ITGB5: variants seen among roughly 807,000 people sequenced by gnomAD.
ITGB5 encodes integrin subunit beta 5.
In ITGB5, 38 loss-of-function variants were observed where a neutral mutation model predicts 84.8. That is an observed-to-expected ratio of 0.45 (90% CI 0.35 to 0.59). The LOEUF is 0.59. ITGB5 is among the 20% of genes least tolerant of loss of function. ITGB5 has a pLI of 0.01. For missense variants in ITGB5, 905 were observed against 1,034.5 expected (o/e 0.87, Z 1.72); for synonymous variants, 393 against 414.4 (o/e 0.95, Z 0.63).
intron 10 of ITGB5, among the ~76,000 whole-genome samples, chr3:124,775,862 C>T (rs867036729): frequency 2.6e-5 from 4 of 152,200 alleles, no homozygotes; most frequent in East Asian, 1.9e-4. Flanking sequence ...CCCCTGGCTC[C>T]GTCCACTCTC....
At chr3:124,772,958 G>C (rs1158893384) in intron 11 of ITGB5, among the ~76,000 whole-genome samples, 2 of 140,734 alleles carry the variant, frequency 1.4e-5, no homozygotes, top group Non-Finnish European at 3.0e-5. Context: ...TTGTTGCCCA[G>C]GCTGGGGTGC....
At chr3:124,829,406 G>A (rs1426964452) in intron 5 of ITGB5, among the ~76,000 whole-genome samples, 2 of 152,356 alleles carry the variant, frequency 1.3e-5, no homozygotes, top group East Asian at 3.9e-4. Flanking sequence ...CAGGCATCCG[G>A]TCAGGGCTGC....
intron 3 of ITGB5, among the ~76,000 whole-genome samples, chr3:124,853,752 T>G (rs542286012): frequency 2.0e-5 from 3 of 152,300 alleles, no homozygotes; most frequent in Admixed American, 6.5e-5. Flanking sequence ...CCATGTTGGT[T>G]TCCTGGTTTT....
At chr3:124,766,562 G>C (rs767694362) in intron 12 of ITGB5, among the ~76,000 whole-genome samples, 3 of 152,314 alleles carry the variant, frequency 2.0e-5, no homozygotes, top group Admixed American at 6.5e-5. Context: ...GGGGACACGT[G>C]GAACACATTA....
At chr3:124,769,192 C>A in intron 11 of ITGB5, 79 bp from the exon 12 acceptor site, 1 of 1,126,404 alleles carries the variant, frequency 8.9e-7, no homozygotes, top group South Asian at 1.4e-5. Flanking sequence ...CCTGACAGTG[C>A]AGGACCTGGG....
At chr3:124,784,442 C>G (rs1158521231) in intron 10 of ITGB5, among the ~76,000 whole-genome samples, 2 of 152,152 alleles carry the variant, frequency 1.3e-5, no homozygotes, top group Non-Finnish European at 2.9e-5. Context: ...GAGTTCAAGC[C>G]TGCAATGAGC....
At chr3:124,892,377 T>G (rs1295675838), upstream of ITGB5, among the ~76,000 whole-genome samples, 1 of 151,422 alleles carries the variant, frequency 6.6e-6, no homozygotes, top group African/African-American at 2.4e-5. Context: ...TGCCACTGAA[T>G]GGTAAACTTA....
intron 1 of ITGB5, among the ~76,000 whole-genome samples, chr3:124,893,895 C>T (rs1935048139): frequency 6.6e-6 from 1 of 152,060 alleles, no homozygotes; most frequent in Non-Finnish European, 1.5e-5. Context: ...GCAAATGTAG[C>T]TGTAAGTCAT....
chr3:124,841,247 G>GCT, intron 5 of ITGB5, 136 bp downstream of exon 5: 1 of 757,260 alleles, frequency 1.3e-6, no homozygotes. Flanking sequence ...GTTCCACTGA[G>GCT]CTCACCCTCT....
chr3:124,798,963 C>G (rs1346917315), intron 9 of ITGB5, among the ~76,000 whole-genome samples: 1 of 152,176 alleles, frequency 6.6e-6, no homozygotes, highest in African/African-American at 2.4e-5. Flanking sequence ...ACAACAGACA[C>G]CCAGGACTCA....
intron 10 of ITGB5, among the ~76,000 whole-genome samples, chr3:124,795,072 A>G (rs1289948177): frequency 6.6e-6 from 1 of 152,190 alleles, no homozygotes; most frequent in Non-Finnish European, 1.5e-5. Context: ...AGCCTAGATC[A>G]GAAGAGAGAA....
intron 7 of ITGB5, among the ~76,000 whole-genome samples, 153 bp downstream of exon 7, chr3:124,819,586 G>A (rs1193265528): frequency 1.3e-5 from 2 of 152,260 alleles, no homozygotes; most frequent in East Asian, 3.9e-4. Context: ...CTATGCGAAT[G>A]CTTAATTGTT....
chr3:124,764,622 C>T (rs2063741675), intron 13 of ITGB5, 65 bp from the exon 14 acceptor site: 4 of 1,508,504 alleles, frequency 2.7e-6, no homozygotes, highest in South Asian at 2.5e-5. Context: ...CACGCAACTG[C>T]AGGCATTTCT....
rs2291080 is a variant in ITGB5, at chr3:124,766,218, T to C, written c.2137+8A>G. 0.023 allele frequency: 36,540 copies of C among 1,612,622 alleles called. 1,590 individuals carry two copies. The highest frequency in any genetic ancestry group is 0.14 in the African/African-American group (10,488 of 74,994). On this transcript the variant is annotated splice_region_variant and intron_variant, in intron 13 of 14. Transcript: ENST00000296181. ...TGAGTGGGCCGAGCCCTTGCAGCCC[T>C]CACCTACCTGGCTCCCTGAGGACGG...
At chr3:124,777,092 G>A (rs1307851344) in intron 10 of ITGB5, among the ~76,000 whole-genome samples, 2 of 152,214 alleles carry the variant, frequency 1.3e-5, no homozygotes, top group African/African-American at 4.8e-5. Context: ...CAGGGCGGTT[G>A]AGTGTGCCCC....
intron 2 of ITGB5, among the ~76,000 whole-genome samples, chr3:124,863,793 C>G (rs546931060): frequency 2.6e-5 from 4 of 152,172 alleles, no homozygotes; most frequent in African/African-American, 9.6e-5. Flanking sequence ...GGCTTACAGG[C>G]ATAAGCCACA....
intron 1 of ITGB5, among the ~76,000 whole-genome samples, chr3:124,898,487 CA>C (rs756941442): frequency 2.0e-5 from 3 of 148,452 alleles, no homozygotes; most frequent in Admixed American, 6.7e-5. Context: ...ACCAAAAATA[CA>C]AAAAAAATAG....
At chr3:124,791,803 G>A (rs955948924) in intron 10 of ITGB5, 5 of 152,202 alleles carry the variant, frequency 3.3e-5, no homozygotes, top group African/African-American at 7.2e-5. Context: ...AGATGTAGCC[G>A]TGACCCAAGA....
chr3:124,809,270 C>A (rs1225391356), intron 8 of ITGB5, 114 bp from the exon 9 acceptor site: 5 of 1,131,834 alleles, frequency 4.4e-6, no homozygotes, highest in Non-Finnish European at 6.4e-6. Context: ...AATCCCAAGC[C>A]AAAGGAAGAG....
Sources: gnomAD v4.1 joint callset for allele counts (sites outside exome capture counted in the v4.1 genomes callset) on GRCh38, gnomAD v4.1.1 for gene constraint, MANE v1.5 for transcripts, NCBI Gene and HGNC (gene_info 2026-07-23, HGNC 2026-07-21) for gene names.